Variants in DIAPH3 observed in about 807,000 individuals in gnomAD.
DIAPH3 encodes diaphanous related formin 3.
Under a neutral mutation model 144.3 loss-of-function variants are expected in DIAPH3, and 117 were observed. That is an observed-to-expected ratio of 0.81 (90% confidence interval 0.70 to 0.95). DIAPH3 has a LOEUF of 0.95. Ranked by LOEUF, DIAPH3 falls within the 40% of genes least tolerant of loss-of-function variation. The probability of loss-of-function intolerance (pLI) is 0.00; values close to 1 mark genes in which losing one functional copy is unlikely to be tolerated. For missense variants in DIAPH3, 1,421 were observed against 1,412.7 expected, an observed-to-expected ratio of 1.01 and a Z score of -0.09; for synonymous variants, 519 against 488.9, an observed-to-expected ratio of 1.06 and a Z score of -0.81.
At chr13:59,676,255 T>G (rs2032641910) in intron 27 of DIAPH3, among the ~76,000 whole-genome samples, 1 of 152,172 alleles carries the variant, frequency 6.6e-6, no homozygotes, top group South Asian at 2.1e-4. Flanking sequence ...AGACCTCGAG[T>G]CATTTCCTCA....
chr13:59,704,766 C>A lies in DIAPH3; in HGVS notation c.3320-37920G>T, dbSNP rs532686905. Among the ~76,000 whole-genome samples the A allele has an allele frequency of 4.6e-5, 7 of 152,286 alleles. No homozygotes were observed. In the South Asian group the frequency reaches 1.2e-3, roughly 27 times the overall value. Reference sequence around the variant, plus strand: ...ACAGTCTAGATGTGTAGTAGGCTATCCCATCTAGGTTTGTGTTAGGTATGC... The same window carrying A: ...ACAGTCTAGATGTGTAGTAGGCTATACCATCTAGGTTTGTGTTAGGTATGC... On this transcript the variant is annotated intron_variant, in intron 27 of 27. Transcript: ENST00000400324.
At chr13:60,103,560 C>A (rs2058332401) in intron 3 of DIAPH3, among the ~76,000 whole-genome samples, 1 of 152,038 alleles carries the variant, frequency 6.6e-6, no homozygotes, top group Non-Finnish European at 1.5e-5. Flanking sequence ...TATAATGGAC[C>A]AATAAGCATA....
chr13:59,681,850 A>G lies in DIAPH3; in HGVS notation c.3320-15004T>C, dbSNP rs183095315. On this transcript the variant is annotated intron_variant, in intron 27 of 27. Transcript: ENST00000400324. ...CTCTGATGCAAGCTCAAGTAATCCA[A>G]TTCAGCTCCTGGCTCCAAACTATAG... is the stretch of plus-strand genomic sequence containing the variant. Among the ~76,000 whole-genome samples, 528 of 152,320 alleles carry G rather than the reference A, an allele frequency of 3.5e-3. 3 individuals are homozygous for G. Among genetic ancestry groups the G allele is most frequent in the South Asian group, 0.031 (150 of 4,832 alleles).
At chr13:59,962,855 T>C (rs2049842470) in intron 17 of DIAPH3, among the ~76,000 whole-genome samples, 1 of 152,140 alleles carries the variant, frequency 6.6e-6, no homozygotes, top group African/African-American at 2.4e-5. Flanking sequence ...GAAATACTGA[T>C]CATTTTAAAT....
intron 1 of DIAPH3, among the ~76,000 whole-genome samples, chr13:60,140,830 TAATA>T (rs1422589110): frequency 3.1e-5 from 2 of 63,870 alleles, no homozygotes; most frequent in Non-Finnish European, 3.3e-5. Flanking sequence ...AAAAAACATC[TAATA>T]AATATGTGCA....
At chr13:59,988,234 G>T (rs560227611) in intron 12 of DIAPH3, among the ~76,000 whole-genome samples, 1 of 151,738 alleles carries the variant, frequency 6.6e-6, no homozygotes, top group South Asian at 2.1e-4. Flanking sequence ...ATTTGTTCAA[G>T]TTCTTTCAAG....
intron 3 of DIAPH3, among the ~76,000 whole-genome samples, chr13:60,108,928 G>A (rs2058492146): frequency 6.6e-6 from 1 of 152,004 alleles, no homozygotes; most frequent in South Asian, 2.1e-4. Flanking sequence ...AATATGATGA[G>A]TTCACTTTCT....
chr13:60,092,715 A>C (rs1421389914), intron 4 of DIAPH3, among the ~76,000 whole-genome samples: 1 of 152,188 alleles, frequency 6.6e-6, no homozygotes, highest in Non-Finnish European at 1.5e-5. Context: ...ATACCTGAAG[A>C]GCAAGCTGCC....
intron 27 of DIAPH3, among the ~76,000 whole-genome samples, chr13:59,746,130 A>C (rs2036691883): frequency 6.6e-6 from 1 of 152,174 alleles, no homozygotes; most frequent in Non-Finnish European, 1.5e-5. Context: ...TATATCTTTT[A>C]TATTCAGGCA....
At chr13:59,692,137 C>CTTTTT (rs56205887) in intron 27 of DIAPH3, among the ~76,000 whole-genome samples, 1 of 58,178 alleles carries the variant, frequency 1.7e-5, no homozygotes, top group Non-Finnish European at 3.2e-5. Context: ...TTGAGAAATT[C>CTTTTT]TTTTTTTTTT....
At chr13:59,946,111 C>A (rs555661692) in intron 17 of DIAPH3, among the ~76,000 whole-genome samples, 170 of 152,132 alleles carry the variant, frequency 1.1e-3, no homozygotes, top group Non-Finnish European at 2.1e-3. Flanking sequence ...ACTTTTATGG[C>A]TTCCATACTT....
chr13:59,839,649 G>C (rs562498226), intron 22 of DIAPH3, among the ~76,000 whole-genome samples: 2 of 151,960 alleles, frequency 1.3e-5, no homozygotes, highest in African/African-American at 4.8e-5. Context: ...TCTTTAAAAC[G>C]TAAGACAAAA....
At chr13:59,852,460 A>G (rs545371437) in intron 22 of DIAPH3, among the ~76,000 whole-genome samples, 1 of 152,338 alleles carries the variant, frequency 6.6e-6, no homozygotes, top group East Asian at 1.9e-4. Flanking sequence ...GCTGGAGACC[A>G]GTTGTTTTCA....
chr13:59,982,166 T>C (rs1248326473), intron 13 of DIAPH3, among the ~76,000 whole-genome samples: 1 of 151,510 alleles, frequency 6.6e-6, no homozygotes, highest in Non-Finnish European at 1.5e-5. Flanking sequence ...TATGAGATTA[T>C]TCTAAATATT....
At chr13:59,734,598 A>G (rs1839113408) in intron 27 of DIAPH3, among the ~76,000 whole-genome samples, 1 of 152,132 alleles carries the variant, frequency 6.6e-6, no homozygotes. Context: ...CATCAAATCA[A>G]TTATAACAGC....
chr13:60,008,615 C>A lies in DIAPH3; in HGVS notation c.943G>T (p.Gly315Cys). The A allele has an allele frequency of 1.9e-6, 3 of 1,613,368 alleles. No individual in the cohort carries two copies. The highest frequency in any genetic ancestry group is 2.5e-6 in the Non-Finnish European group (3 of 1,179,718). The change falls in exon 9 of 28, where the codon GGT becomes TGT. Residue 315 changes from glycine (G) to cysteine (C), a missense_variant. Coordinates refer to ENST00000400324, the MANE Select transcript of DIAPH3 (RefSeq NM_001042517.2). Reference sequence around the variant, plus strand: ...AATCTGTCAATTTTTTTTTCTTCACCAGCTGAAGTTAAAGCTTCTAAAACT... The same window carrying A: ...AATCTGTCAATTTTTTTTTCTTCACAAGCTGAAGTTAAAGCTTCTAAAACT... ...EEVLEALTSA[G>C]EEKKIDRFFC...
intron 20 of DIAPH3, among the ~76,000 whole-genome samples, chr13:59,909,796 A>C (rs984587909): frequency 6.6e-6 from 1 of 152,164 alleles, no homozygotes; most frequent in Non-Finnish European, 1.5e-5. Flanking sequence ...CCTGAAAGGG[A>C]AGTGGTCCAT....
chr13:59,793,677 T>C (rs2139419420), intron 25 of DIAPH3, among the ~76,000 whole-genome samples: 1 of 152,312 alleles, frequency 6.6e-6, no homozygotes, highest in Non-Finnish European at 1.5e-5. Flanking sequence ...CCTTGAATTT[T>C]CCATTGGTGT....
At chr13:59,774,906 T>C in intron 25 of DIAPH3, 83 bp from the exon 26 acceptor site, 1 of 1,153,264 alleles carries the variant, frequency 8.7e-7, no homozygotes, top group Non-Finnish European at 1.3e-6. Flanking sequence ...CTGGTGATGG[T>C]GATGGTAGGG....
Sources: allele counts gnomAD v4.1 joint callset (sites outside exome capture counted in the v4.1 genomes callset), GRCh38; gene constraint gnomAD v4.1.1; transcripts MANE v1.5; gene names NCBI Gene and HGNC (gene_info 2026-07-23, HGNC 2026-07-21).